Variants in ZNF449 observed in about 807,000 individuals in gnomAD.
ZNF449 encodes zinc finger protein 449.
In ZNF449, 4 loss-of-function variants were observed where a neutral mutation model predicts 32.6. The ratio of observed to expected loss-of-function variants is 0.12; its 90% CI spans 0.06 to 0.28. The LOEUF is 0.28. Ranked by LOEUF, ZNF449 falls within the 10% of genes least tolerant of loss-of-function variation. The pLI is 1.00. For missense variants in ZNF449, 275 were observed against 383.2 expected (o/e 0.72, Z 2.36); for synonymous variants, 123 against 132.2 (o/e 0.93, Z 0.48).
chrX:135,350,353 C>T (rs1418828587), intron 3 of ZNF449, among the ~76,000 whole-genome samples: 3 of 111,389 alleles, frequency 2.7e-5, no homozygotes, highest in East Asian at 5.6e-4. Context: ...AGCTTTGGCC[C>T]GAGTGTGGCC....
intron 3 of ZNF449, among the ~76,000 whole-genome samples, chrX:135,354,698 A>C (rs1295799026): frequency 9.0e-6 from 1 of 111,549 alleles, no homozygotes; most frequent in African/African-American, 3.3e-5. Flanking sequence ...GGGACAAGGA[A>C]CCAAAGCAAA....
chrX:135,359,980 G>A lies in ZNF449; in HGVS notation c.648G>A (p.Met216Ile). ...AGGAATTACAGGATTCTAAAGAAAT[G>A]AAACAATTACTTGATTCCAAGATAG... is the stretch of plus-strand genomic sequence containing the variant. ...WVKELQDSKE[M>I]KQLLDSKIGF... Residue 216 changes from methionine to isoleucine, a missense_variant, in exon 4 of 5, where the codon ATG becomes ATA. Around this residue, in one of 3 missense-constraint regions of ZNF449, gnomAD observed 165 missense variants for 175.0 expected, o/e 0.94. Transcript: ENST00000339249. 1 of 1,189,616 alleles carries A rather than the reference G, an allele frequency of 8.4e-7. No homozygotes were observed. Among genetic ancestry groups the A allele is most frequent in the Non-Finnish European group, 1.1e-6 (1 of 879,644 alleles).
Position 135,347,436 on chromosome X carries a change from A to C in ZNF449, c.318A>C (p.Glu106Asp). ...ENRERVVSLI[E>D]DLQRELEIPE... Reference sequence around the variant, plus strand: ...GAGAAAGAGTTGTGTCACTGATAGAAGACTTACAGAGAGAACTTGAGATAC... The same window carrying C: ...GAGAAAGAGTTGTGTCACTGATAGACGACTTACAGAGAGAACTTGAGATAC... The change falls in exon 2 of 5, where the codon GAA (glutamate) becomes GAC (aspartate). Residue 106 changes from glutamate (E) to aspartate (D), a missense_variant. By Grantham distance (45) the Glu-to-Asp change is conservative. Around this residue, in one of 3 missense-constraint regions of ZNF449, gnomAD observed 165 missense variants for 175.0 expected, o/e 0.94. Transcript: ENST00000339249. 8.3e-7 allele frequency: 1 copy of C among 1,212,064 alleles called. No individual in the cohort carries two copies. The highest frequency in any genetic ancestry group is 1.1e-6 in the Non-Finnish European group (1 of 895,589).
At chrX:135,345,026 C>T (rs932027759) in intron 1 of ZNF449, among the ~76,000 whole-genome samples, 191 bp downstream of exon 1, 1 of 113,184 alleles carries the variant, frequency 8.8e-6, no homozygotes, top group African/African-American at 3.2e-5. Context: ...CCCTGCGACC[C>T]GACCGGGCCT....
chrX:135,359,684 T>G (rs1414394823), intron 3 of ZNF449, among the ~76,000 whole-genome samples: 1 of 111,984 alleles, frequency 8.9e-6, no homozygotes, highest in Non-Finnish European at 1.9e-5. Context: ...TTCCATAGAT[T>G]AGAGAATAGC....
chrX:135,360,641 A>G lies in ZNF449; in HGVS notation c.1122A>G (p.Thr374=). 1 of 1,211,725 alleles carries G rather than the reference A, an allele frequency of 8.3e-7. No homozygotes were observed. Among genetic ancestry groups the G allele is most frequent in the Non-Finnish European group, 1.1e-6 (1 of 895,435 alleles). Residue 374 remains threonine, a synonymous_variant, in exon 5 of 5, where the codon ACA becomes ACG. Coordinates refer to ENST00000339249, the MANE Select transcript of ZNF449 (RefSeq NM_152695.6). The stretch of plus-strand genomic sequence containing the variant: ...TTTATAGACACCAACGACTTCATAC[A>G]GGGGAGAGACCCTATGAATGCACTG... ...SDLYRHQRLH[T]GERPYECTVC...
At chrX:135,351,509 G>A (rs2084886327) in intron 3 of ZNF449, among the ~76,000 whole-genome samples, 1 of 109,960 alleles carries the variant, frequency 9.1e-6, no homozygotes, top group Non-Finnish European at 1.9e-5. Context: ...AGTTTGAGGT[G>A]CTTATGGGTC....
At chrX:135,359,153 A>G (rs1389504710) in intron 3 of ZNF449, among the ~76,000 whole-genome samples, 1 of 111,476 alleles carries the variant, frequency 9.0e-6, no homozygotes, top group Non-Finnish European at 1.9e-5. Context: ...ATTGAAGACC[A>G]GTAAACTTGA....
chrX:135,347,650 A>T (rs1556448874), intron 2 of ZNF449, 178 bp downstream of exon 2: 1 of 1,122,564 alleles, frequency 8.9e-7, no homozygotes, highest in East Asian at 3.3e-5. Flanking sequence ...ACTCTATCAG[A>T]CTCAATTCCC....
intron 3 of ZNF449, among the ~76,000 whole-genome samples, chrX:135,356,921 G>A (rs937085193): frequency 9.0e-6 from 1 of 111,016 alleles, no homozygotes; most frequent in African/African-American, 3.3e-5. Context: ...ATAGAGGAGA[G>A]TTTAGTCTTG....
In ZNF449 at chrX:135,357,282, A is replaced by G. The variant is rs148124809; in HGVS notation, c.560-2610A>G. Among the ~76,000 whole-genome samples the G allele has an allele frequency of 2.5e-4, 28 of 111,690 alleles. No homozygotes were observed. In the East Asian group the frequency reaches 7.8e-3, roughly 31 times the overall value. ...TTTTATAATTTTAGCTCTTACATCT[A>G]AGACTTTGATCTATTTTTCATTAAT... is the stretch of plus-strand genomic sequence containing the variant. On this transcript the variant is annotated intron_variant, in intron 3 of 4. Transcript: ENST00000339249.
rs2084945182 is a variant in ZNF449 at position 135,361,135 on chromosome X, C to G, written c.*59C>G. The G allele has an allele frequency of 2.0e-6, 2 of 1,012,549 alleles. No homozygotes were observed. The highest frequency in any genetic ancestry group is 2.6e-6 in the Non-Finnish European group (2 of 759,228). The allele number at this position is 1,012,549 out of a possible 1,213,427, so 83.4% of individuals were successfully genotyped here. A position where few individuals can be genotyped will look rare whatever the true frequency, so the allele number is the denominator to read the frequency against. On this transcript the variant is annotated 3_prime_UTR_variant, in exon 5 of 5. Transcript: ENST00000339249. ...GACACTAACTCAAAAAAAATCTTAA[C>G]CTGCAGCAGGCTGTTTGTCTTGGAA...
intron 3 of ZNF449, among the ~76,000 whole-genome samples, chrX:135,352,456 C>A (rs2084893062): frequency 1.8e-5 from 2 of 111,735 alleles, no homozygotes; most frequent in Admixed American, 9.5e-5. Context: ...GGCAAGGAGA[C>A]GCTAGTCTTA....
intron 1 of ZNF449, among the ~76,000 whole-genome samples, chrX:135,346,091 A>T (rs1602680627): frequency 8.9e-6 from 1 of 112,339 alleles, no homozygotes; most frequent in East Asian, 2.8e-4. Flanking sequence ...TATCCAGGGG[A>T]TAATACTAGT....
At position 135,347,166 on chromosome X, in the gene ZNF449, C is replaced by T; in HGVS notation, c.48C>T (p.Gly16=). The part of the protein sequence containing the change: ...GCAIQASLNQ[G]SVFQEYDTDC... The stretch of plus-strand genomic sequence containing the variant: ...CAATCCAGGCATCCTTGAATCAAGG[C>T]TCTGTGTTTCAAGAATATGATACTG... The change falls in exon 2 of 5, where the codon GGC becomes GGT. Residue 16 remains glycine, a synonymous_variant. Coordinates refer to ENST00000339249, the MANE Select transcript of ZNF449 (RefSeq NM_152695.6). 8.3e-7 allele frequency: 1 copy of T among 1,211,594 alleles called. No individual in the cohort carries two copies. The highest frequency in any genetic ancestry group is 1.1e-6 in the Non-Finnish European group (1 of 895,355).
chrX:135,357,892 A>G (rs566840817), intron 3 of ZNF449, among the ~76,000 whole-genome samples: 1 of 110,958 alleles, frequency 9.0e-6, no homozygotes, highest in Admixed American at 9.6e-5. Flanking sequence ...TATAAACAGT[A>G]TATAGTTGGA....
intron 3 of ZNF449, among the ~76,000 whole-genome samples, chrX:135,350,367 A>G (rs1371293738): frequency 4.5e-5 from 5 of 111,483 alleles, no homozygotes; most frequent in Non-Finnish European, 7.5e-5. Flanking sequence ...TGTGGCCAGA[A>G]TCCTCTCCCC....
chrX:135,358,167 A>C (rs1291422249), intron 3 of ZNF449, among the ~76,000 whole-genome samples: 1 of 111,072 alleles, frequency 9.0e-6, no homozygotes, highest in Non-Finnish European at 1.9e-5. Flanking sequence ...TACCATGTAC[A>C]TCTTATCATT....
At position 135,362,787 on chromosome X, in the gene ZNF449, A is replaced by G. The variant is rs2084954653; in HGVS notation, c.*1711A>G. 8.9e-6 allele frequency: 1 copy of G among 111,971 alleles called. No individual in the cohort carries two copies. The highest frequency in any genetic ancestry group is 3.2e-5 in the African/African-American group (1 of 30,807). The allele number at this position is 111,971 out of a possible 1,213,427, so 9.2% of individuals were successfully genotyped here. On this transcript the variant is annotated 3_prime_UTR_variant, in exon 5 of 5. Coordinates refer to ENST00000339249, the MANE Select transcript of ZNF449 (RefSeq NM_152695.6). ...ATATAATTCATGGATCAGGCTCATA[A>G]AGATTTTATAATATTTTTAGTTAAA...
Sources: gnomAD v4.1 joint callset for allele counts (sites outside exome capture counted in the v4.1 genomes callset) on GRCh38, gnomAD v4.1.1 for gene constraint, gnomAD v4.1.1 regional missense constraint, MANE v1.5 for transcripts, NCBI Gene and HGNC (gene_info 2026-07-23, HGNC 2026-07-21) for gene names.